The following TBC1D5 variants were observed in gnomAD, a reference collection of about 807,000 sequenced individuals.
TBC1D5 encodes TBC1 domain family, member 5.
A neutral mutation model predicts 100.3 loss-of-function variants in TBC1D5; 75 were observed. The observed-to-expected ratio is 0.75, with a 90% CI of 0.62 to 0.91. The LOEUF (loss-of-function observed/expected upper bound fraction) is 0.91, where lower values mean the gene tolerates loss of function less well. Among genes scored for constraint, TBC1D5 ranks in the 40% least tolerant of loss-of-function variants. The pLI is 0.00. For missense variants in TBC1D5, 910 were observed against 942.4 expected (o/e 0.97, Z 0.45); for synonymous variants, 323 against 325.6 (o/e 0.99, Z 0.09).
intron 9 of TBC1D5, among the ~76,000 whole-genome samples, chr3:17,381,218 A>G (rs1244832047): frequency 2.0e-5 from 3 of 152,072 alleles, no homozygotes; most frequent in Admixed American, 1.3e-4. Context: ...AGTGGGCCAC[A>G]TACATCACAA....
At chr3:17,209,004 T>G (rs1304122785) in intron 18 of TBC1D5, among the ~76,000 whole-genome samples, 1 of 152,244 alleles carries the variant, frequency 6.6e-6, no homozygotes, top group South Asian at 2.1e-4. Context: ...GTCAATACAA[T>G]GAAATGGTGC....
chr3:17,392,576 C>CA (rs1220941016), intron 8 of TBC1D5, among the ~76,000 whole-genome samples: 7 of 152,066 alleles, frequency 4.6e-5, no homozygotes, highest in Non-Finnish European at 8.8e-5. Context: ...CATGTGTTCT[C>CA]ATTGTTTAAC....
At chr3:17,199,428 A>G (rs143898668) in intron 18 of TBC1D5, among the ~76,000 whole-genome samples, 2 of 152,298 alleles carry the variant, frequency 1.3e-5, no homozygotes, top group African/African-American at 4.8e-5. Context: ...TTTCATTCTT[A>G]TTTTCAAAAA....
At chr3:17,404,735 G>T (rs957570389) in exon 7 of TBC1D5, 4 of 1,607,974 alleles carry the variant, frequency 2.5e-6, no homozygotes, top group Non-Finnish European at 3.4e-6. Context: ...ATCAAATCTT[G>T]TTGGCCAACA....
intron 13 of TBC1D5, among the ~76,000 whole-genome samples, chr3:17,346,510 T>C (rs2089900803): frequency 6.6e-6 from 1 of 152,194 alleles, no homozygotes; most frequent in South Asian, 2.1e-4. Context: ...TGCCATATAC[T>C]TGTAAACATT....
Position 17,330,853 on chromosome 3 carries a change from C to A in TBC1D5, c.996-22719G>T, listed in dbSNP as rs538431542. Among the ~76,000 whole-genome samples the A allele has an allele frequency of 3.9e-5, 6 of 152,260 alleles. No individual in the cohort carries two copies. In the South Asian group the frequency reaches 1.2e-3, roughly 32 times the overall value. On this transcript the variant is annotated intron_variant, in intron 13 of 21. Transcript: ENST00000253692. ...AAATCTGCTCCTCTTGTACTTACAG[C>A]TGACAAAGCAAAAATCTGAATCTAC...
intron 2 of TBC1D5, among the ~76,000 whole-genome samples, chr3:17,591,119 C>CCAGCTACT (rs1282174964): frequency 1.3e-5 from 2 of 150,856 alleles, no homozygotes; most frequent in Non-Finnish European, 3.0e-5. Context: ...GCCTGTAGTC[C>CCAGCTACT]CAGCTACTCA....
At chr3:17,422,679 T>C (rs2149287885) in intron 4 of TBC1D5, among the ~76,000 whole-genome samples, 1 of 152,282 alleles carries the variant, frequency 6.6e-6, no homozygotes, top group South Asian at 2.1e-4. Flanking sequence ...TTCTCTTACA[T>C]ACAAATGTAA....
chr3:17,248,159 T>C (rs939388572), intron 16 of TBC1D5, among the ~76,000 whole-genome samples: 1 of 152,026 alleles, frequency 6.6e-6, no homozygotes, highest in Admixed American at 6.6e-5. Flanking sequence ...ACCCAGCTAA[T>C]TTTTGTATTT....
At chr3:17,501,158 T>A (rs1244139215) in intron 3 of TBC1D5, among the ~76,000 whole-genome samples, 1 of 149,538 alleles carries the variant, frequency 6.7e-6, no homozygotes, top group Non-Finnish European at 1.5e-5. Context: ...TAACTTACAG[T>A]TTTTTATCTA....
intron 13 of TBC1D5, among the ~76,000 whole-genome samples, chr3:17,319,259 AC>A (rs1476169146): frequency 1.3e-5 from 2 of 152,180 alleles, no homozygotes; most frequent in African/African-American, 2.4e-5. Flanking sequence ...CACATCAGCT[AC>A]CAGTTACTGT....
rs183937867 is a variant in TBC1D5, at chr3:17,621,055, A to C, written c.-36+2794T>G. Among the ~76,000 whole-genome samples, 252 of 152,302 alleles carry C rather than the reference A, an allele frequency of 1.7e-3. 2 individuals are homozygous for C. The highest frequency in any genetic ancestry group is 5.8e-3 in the African/African-American group (243 of 41,560). On this transcript the variant is annotated intron_variant, in intron 2 of 21. Transcript: ENST00000253692. ...CTATTATTTAGTTGAACAAAAAAGT[A>C]AATGTGTTGATACTGTTGGAAGCCA... is the stretch of plus-strand genomic sequence containing the variant.
At chr3:17,662,713 TGA>T (rs2066784742) in intron 1 of TBC1D5, among the ~76,000 whole-genome samples, 1 of 152,216 alleles carries the variant, frequency 6.6e-6, no homozygotes, top group African/African-American at 2.4e-5. Context: ...AGAAGGCATC[TGA>T]GTGTCCAATT....
chr3:17,297,869 C>A (rs2082421202), intron 14 of TBC1D5, among the ~76,000 whole-genome samples: 1 of 151,880 alleles, frequency 6.6e-6, no homozygotes, highest in East Asian at 1.9e-4. Context: ...GGATTACAGG[C>A]ATGATGAGCC....
At chr3:17,270,593 T>C (rs1053959024) in intron 15 of TBC1D5, among the ~76,000 whole-genome samples, 5 of 152,158 alleles carry the variant, frequency 3.3e-5, no homozygotes, top group African/African-American at 9.7e-5. Context: ...CTGTTGATAG[T>C]TTCTTTTGCT....
chr3:17,506,776 A>C, intron 3 of TBC1D5, among the ~76,000 whole-genome samples: 1 of 152,214 alleles, frequency 6.6e-6, no homozygotes, highest in Non-Finnish European at 1.5e-5. Context: ...GGTTAAAAAA[A>C]AAAACCTCAG....
At chr3:17,286,315 G>A (rs928031557) in intron 15 of TBC1D5, among the ~76,000 whole-genome samples, 4 of 152,170 alleles carry the variant, frequency 2.6e-5, no homozygotes, top group South Asian at 4.1e-4. Context: ...CCTTCAGGAA[G>A]GAAAGAACAT....
At chr3:17,734,777 G>A (rs2076830469) in intron 1 of TBC1D5, among the ~76,000 whole-genome samples, 1 of 152,210 alleles carries the variant, frequency 6.6e-6, no homozygotes, top group Non-Finnish European at 1.5e-5. Flanking sequence ...ATTTGGCCAT[G>A]TATAACACAA....
chr3:17,617,761 T>G (rs535176374), intron 2 of TBC1D5, among the ~76,000 whole-genome samples: 6 of 152,182 alleles, frequency 3.9e-5, no homozygotes, highest in Non-Finnish European at 8.8e-5. Flanking sequence ...TCATTTAAGG[T>G]CTTCTCTATG....
Sources: allele counts gnomAD v4.1 joint callset (sites outside exome capture counted in the v4.1 genomes callset), GRCh38; gene constraint gnomAD v4.1.1; transcripts MANE v1.5; gene names NCBI Gene and HGNC (gene_info 2026-07-23, HGNC 2026-07-21).